The following SEC61A1 variants were observed in gnomAD, a reference collection of about 807,000 sequenced individuals.
SEC61A1 encodes SEC61 translocon subunit alpha 1.
SEC61A1 carries 15 observed loss-of-function variants against 55.2 expected under a neutral mutation model. The ratio of observed to expected loss-of-function variants is 0.27; its 90% CI spans 0.18 to 0.42. The LOEUF is 0.42. Ranked by LOEUF, SEC61A1 falls within the 10% of genes least tolerant of loss-of-function variation. The pLI, the probability that SEC61A1 is intolerant of heterozygous loss-of-function variation, is 1.00. For synonymous variants in SEC61A1, 247 were observed against 234.0 expected, an observed-to-expected ratio of 1.06 and a Z score of -0.51; for missense variants, 284 against 602.6, an observed-to-expected ratio of 0.47 and a Z score of 5.53.
At chr3:128,059,553 G>A (rs1941824799) in intron 5 of SEC61A1, among the ~76,000 whole-genome samples, 1 of 151,920 alleles carries the variant, frequency 6.6e-6, no homozygotes, top group Admixed American at 6.6e-5. Flanking sequence ...TCAATGGTAC[G>A]TGGGGTTTTC....
chr3:128,069,460 G>A lies in SEC61A1; in HGVS notation c.1245-16G>A, dbSNP rs1361455140. On this transcript the variant is annotated splice_polypyrimidine_tract_variant and intron_variant, in intron 11 of 11. Coordinates refer to ENST00000243253, the MANE Select transcript of SEC61A1 (RefSeq NM_013336.4). ...CTCTGTGGGTGTCCAGGAGCTGACT[G>A]TGTCCCCTCCCCCAGGTACATCCCC... is the stretch of plus-strand genomic sequence containing the variant. 1.2e-6 allele frequency: 2 copies of A among 1,605,960 alleles called. No homozygotes were observed. Among genetic ancestry groups the A allele is most frequent in the Non-Finnish European group, 1.7e-6 (2 of 1,178,740 alleles).
intron 2 of SEC61A1, 133 bp downstream of exon 2, chr3:128,053,035 GCT>G: frequency 3.1e-6 from 2 of 647,388 alleles, no homozygotes; most frequent in Non-Finnish European, 5.3e-6. Context: ...GTGTAGTTGT[GCT>G]CTGTTATTCC....
upstream of SEC61A1, chr3:128,052,035 T>A (rs998055128): frequency 2.3e-5 from 18 of 771,380 alleles, no homozygotes; most frequent in African/African-American, 2.2e-4. Flanking sequence ...TTCACTAACG[T>A]CAAAGAGCAG....
At position 128,060,668 on chromosome 3, in the gene SEC61A1, G is replaced by A. The variant is rs775477059; in HGVS notation, c.616+7G>A. On this transcript the variant is annotated splice_region_variant and intron_variant, in intron 7 of 11. Transcript: ENST00000243253. ...ACTGTCAACACTGGCCGAGGTAAGG[G>A]CCCTGTGCTCCCCTGGTGGCGACAG... 11 of 1,613,150 alleles carry A rather than the reference G, an allele frequency of 6.8e-6. No homozygotes were observed. Among genetic ancestry groups the A allele is most frequent in the Non-Finnish European group, 8.5e-6 (10 of 1,179,600 alleles).
rs1405108496 is a variant in SEC61A1, at chr3:128,070,191, T to C, written c.*529T>C. On this transcript the variant is annotated 3_prime_UTR_variant, in exon 12 of 12. Coordinates refer to ENST00000243253, the MANE Select transcript of SEC61A1 (RefSeq NM_013336.4). The stretch of plus-strand genomic sequence containing the variant: ...AGGACTGTTTCTCTCTAAGACACCA[T>C]TGTTTTCCCTTATTTTAAAAGTGAT... The C allele has an allele frequency of 1.3e-5, 2 of 152,488 alleles. No homozygotes were observed. Among genetic ancestry groups the C allele is most frequent in the African/African-American group, 4.8e-5 (2 of 41,434 alleles). 9.4% of individuals were successfully genotyped at this position (152,488 alleles called of 1,614,324 possible).
Position 128,067,771 on chromosome 3 carries a change from G to A in SEC61A1, c.1167+159G>A, listed in dbSNP as rs1187395127. On this transcript the variant is annotated intron_variant, in intron 10 of 11. Transcript: ENST00000243253. The surrounding 1 kb of genome is among the most constrained non-coding windows in gnomAD (Gnocchi z 4.1). ...GAAGCTTTAAGGGCTGACAGATGGA[G>A]TCCAGCAGTAGATCAGCTGTGGGTA... 1.0e-5 allele frequency: 7 copies of A among 673,192 alleles called. No homozygotes were observed. The highest frequency in any genetic ancestry group is 1.8e-5 in the African/African-American group (1 of 55,434). The allele number at this position is 673,192 out of a possible 1,614,324, so 41.7% of individuals were successfully genotyped here.
At chr3:128,054,661 A>G (rs1433371362) in intron 2 of SEC61A1, among the ~76,000 whole-genome samples, 1 of 152,238 alleles carries the variant, frequency 6.6e-6, no homozygotes, top group Non-Finnish European at 1.5e-5. Flanking sequence ...TAATACTGTC[A>G]GTCTCTCACA....
intron 5 of SEC61A1, among the ~76,000 whole-genome samples, chr3:128,057,165 C>A (rs545205260): frequency 4.3e-4 from 65 of 152,310 alleles, no homozygotes; most frequent in African/African-American, 1.3e-3. Context: ...AACTCCTGAT[C>A]TTGTGATCCA....
In SEC61A1 at chr3:128,064,975, C is replaced by A. The variant is rs750609696; in HGVS notation, c.715C>A (p.Leu239Ile). 1.2e-6 allele frequency: 2 copies of A among 1,614,260 alleles called. No individual in the cohort carries two copies. The highest frequency in any genetic ancestry group is 1.7e-6 in the Non-Finnish European group (2 of 1,180,044). Reference sequence around the variant, plus strand: ...TCGGGAGGCGTTCTACCGCCAGAATCTTCCCAACCTCATGAATCTCATCGC... The same window carrying A: ...TCGGGAGGCGTTCTACCGCCAGAATATTCCCAACCTCATGAATCTCATCGC... ...ALREAFYRQN[L>I]PNLMNLIATI... Residue 239 changes from leucine to isoleucine, a missense_variant, in exon 8 of 12, where the codon CTT becomes ATT. By Grantham distance (5) the Leu-to-Ile change is conservative. Coordinates refer to ENST00000243253, the MANE Select transcript of SEC61A1 (RefSeq NM_013336.4).
chr3:128,054,559 A>T (rs1331242932), intron 2 of SEC61A1, among the ~76,000 whole-genome samples: 1 of 152,248 alleles, frequency 6.6e-6, no homozygotes, highest in East Asian at 1.9e-4. Flanking sequence ...ATGTATAGTT[A>T]GAGGACTGTG....
chr3:128,067,171 A>C lies in SEC61A1; in HGVS notation c.975+20A>C, dbSNP rs1451824012. The C allele has an allele frequency of 6.2e-7, 1 of 1,610,384 alleles. No homozygotes were observed. The highest frequency in any genetic ancestry group is 1.1e-5 in the South Asian group (1 of 91,022). On this transcript the variant is annotated intron_variant, in intron 9 of 11. Transcript: ENST00000243253. This position sits in a 1 kb window ranked among gnomAD's most constrained non-coding sequence, Gnocchi z 4.1. Reference sequence around the variant, plus strand: ...TGGTCGGTAAGTAGGCTCTTTGAAGATGAGCTAGCAATGCAGCTAAGTTGC... The same window carrying C: ...TGGTCGGTAAGTAGGCTCTTTGAAGCTGAGCTAGCAATGCAGCTAAGTTGC...
chr3:128,066,732 A>G, intron 8 of SEC61A1: 1 of 571,720 alleles, frequency 1.7e-6, no homozygotes, highest in South Asian at 2.3e-5. Context: ...CCTTCAGTGT[A>G]TTTTTAAACC....
chr3:128,066,031 C>T (rs146929175), intron 8 of SEC61A1, among the ~76,000 whole-genome samples: 1,756 of 152,116 alleles, frequency 0.012, 31 homozygotes, highest in South Asian at 0.077. Flanking sequence ...CGTGAGCCAC[C>T]GCACCCGGCC....
rs1035743103 is a variant in SEC61A1, at chr3:128,067,368, T to C, written c.976-53T>C. ...CTGCTCAGAACTATTTTTGCCTTGATGCTAAAGTAAAATGAAGGAGCACTC... is the reference window on the plus strand; with the variant it reads ...CTGCTCAGAACTATTTTTGCCTTGACGCTAAAGTAAAATGAAGGAGCACTC... On this transcript the variant is annotated intron_variant, in intron 9 of 11. Transcript: ENST00000243253. The surrounding 1 kb of genome is among the most constrained non-coding windows in gnomAD (Gnocchi z 4.1). The C allele has an allele frequency of 3.3e-5, 52 of 1,559,308 alleles. No individual in the cohort carries two copies. Among genetic ancestry groups the C allele is most frequent in the Non-Finnish European group, 4.2e-5 (48 of 1,149,472 alleles).
At chr3:128,056,046 A>C (rs1360719563) in intron 4 of SEC61A1, among the ~76,000 whole-genome samples, 3 of 152,244 alleles carry the variant, frequency 2.0e-5, no homozygotes, top group African/African-American at 7.2e-5. Context: ...TGAATACCTG[A>C]AATGATGACA....
chr3:128,053,284 T>C (rs1252472833), intron 2 of SEC61A1, among the ~76,000 whole-genome samples: 1 of 152,202 alleles, frequency 6.6e-6, no homozygotes, highest in African/African-American at 2.4e-5. Context: ...TCCCAGGAGA[T>C]GCCCTTTGTA....
chr3:128,060,367 C>T (rs781569379), intron 6 of SEC61A1, 141 bp from the exon 7 acceptor site: 2 of 1,092,746 alleles, frequency 1.8e-6, no homozygotes, highest in Non-Finnish European at 2.7e-6. Context: ...CAGAGAAAGG[C>T]TTTACTGACC....
Position 128,067,219 on chromosome 3 carries a change from C to T in SEC61A1, c.975+68C>T. On this transcript the variant is annotated intron_variant, in intron 9 of 11. Coordinates refer to ENST00000243253, the MANE Select transcript of SEC61A1 (RefSeq NM_013336.4). The surrounding 1 kb of genome is among the most constrained non-coding windows in gnomAD (Gnocchi z 4.1). ...TGCAGTGGTTTCTATCAGTGTCTTG[C>T]TCATGAACAGATATTTCATCCAAAG... 1 of 1,432,512 alleles carries T rather than the reference C, an allele frequency of 7.0e-7. No homozygotes were observed. The highest frequency in any genetic ancestry group is 9.8e-7 in the Non-Finnish European group (1 of 1,019,358). The allele number at this position is 1,432,512 out of a possible 1,614,324, so 88.7% of individuals were successfully genotyped here.
chr3:128,056,451 A>G (rs1027173327), intron 4 of SEC61A1, among the ~76,000 whole-genome samples: 5 of 152,234 alleles, frequency 3.3e-5, no homozygotes, highest in African/African-American at 1.2e-4. Flanking sequence ...TTTATGGTGA[A>G]TTTAAATGCA....
Sources: gnomAD v4.1 joint callset for allele counts (sites outside exome capture counted in the v4.1 genomes callset) on GRCh38, gnomAD v4.1.1 for gene constraint, Gnocchi (gnomAD v3.1) non-coding constraint, MANE v1.5 for transcripts, NCBI Gene and HGNC (gene_info 2026-07-23, HGNC 2026-07-21) for gene names.